DAB1: variants seen among roughly 807,000 people sequenced by gnomAD.
DAB1 encodes disabled homolog 1.
DAB1 carries 15 observed loss-of-function variants against 64.6 expected under a neutral mutation model. The observed-to-expected ratio is 0.23, with a 90% CI of 0.16 to 0.36. The LOEUF (loss-of-function observed/expected upper bound fraction) is 0.36, where lower values mean the gene tolerates loss of function less well. Ranked by LOEUF, DAB1 falls within the 10% of genes least tolerant of loss-of-function variation. DAB1 has a pLI of 1.00. For missense variants in DAB1, 596 were observed against 706.7 expected, an observed-to-expected ratio of 0.84 and a Z score of 1.78; for synonymous variants, 235 against 251.9, an observed-to-expected ratio of 0.93 and a Z score of 0.64.
At chr1:58,116,467 A>G (rs1282282486) in intron 5 of DAB1, among the ~76,000 whole-genome samples, 1 of 152,212 alleles carries the variant, frequency 6.6e-6, no homozygotes, top group African/African-American at 2.4e-5. Context: ...AAATCCATCC[A>G]TATAGTGAAT....
At chr1:58,147,983 GAA>G (rs58099365) in intron 5 of DAB1, among the ~76,000 whole-genome samples, 4 of 113,534 alleles carry the variant, frequency 3.5e-5, no homozygotes, top group Admixed American at 8.6e-5. Flanking sequence ...TATAGCTGGA[GAA>G]AAAAAAAAAA....
chr1:58,367,970 A>C (rs961015651), intron 3 of DAB1, among the ~76,000 whole-genome samples: 2 of 152,180 alleles, frequency 1.3e-5, no homozygotes, highest in African/African-American at 4.8e-5. Context: ...CTTTGAACCA[A>C]TGCCATTACA....
At chr1:57,459,185 T>C (rs1243804265) in intron 7 of DAB1, among the ~76,000 whole-genome samples, 1 of 152,204 alleles carries the variant, frequency 6.6e-6, no homozygotes, top group Admixed American at 6.5e-5. Context: ...TATCTATAAT[T>C]TTAAACTCCA....
intron 1 of DAB1, among the ~76,000 whole-genome samples, chr1:57,305,043 T>C (rs1674014326): frequency 6.6e-6 from 1 of 152,214 alleles, no homozygotes; most frequent in Non-Finnish European, 1.5e-5. Context: ...TCAGCTCAGC[T>C]TTGGAGGTGC....
intron 2 of DAB1, among the ~76,000 whole-genome samples, chr1:57,174,985 T>A (rs770606050): frequency 6.6e-6 from 1 of 152,168 alleles, no homozygotes; most frequent in African/African-American, 2.4e-5. Context: ...AAAGGGTAAC[T>A]TGTTAAAACA....
chr1:57,431,462 T>A (rs937495759), intron 7 of DAB1, among the ~76,000 whole-genome samples: 3 of 152,214 alleles, frequency 2.0e-5, no homozygotes, highest in Non-Finnish European at 4.4e-5. Flanking sequence ...AAAAAAGCAA[T>A]GAAAAAATAT....
At chr1:57,032,465 C>A (rs536432762) in intron 9 of DAB1, among the ~76,000 whole-genome samples, 1 of 152,242 alleles carries the variant, frequency 6.6e-6, no homozygotes, top group African/African-American at 2.4e-5. Context: ...ACCTAGAACA[C>A]TCATTCCTTC....
intron 6 of DAB1, among the ~76,000 whole-genome samples, chr1:57,692,936 G>T (rs1264223659): frequency 2.0e-5 from 3 of 152,142 alleles, no homozygotes; most frequent in African/African-American, 7.2e-5. Flanking sequence ...AACCTCTGGA[G>T]TTAGGCACCA....
chr1:57,759,449 T>C (rs1273348064), intron 6 of DAB1, among the ~76,000 whole-genome samples: 1 of 152,206 alleles, frequency 6.6e-6, no homozygotes, highest in African/African-American at 2.4e-5. Context: ...ATGGTAACTA[T>C]GATGGTGGTT....
chr1:57,640,900 C>T (rs896697819), intron 7 of DAB1, among the ~76,000 whole-genome samples: 1 of 152,056 alleles, frequency 6.6e-6, no homozygotes, highest in African/African-American at 2.4e-5. Flanking sequence ...CCTGAATGCA[C>T]TTATAGAAGG....
At chr1:57,941,561 G>T (rs976516154) in intron 5 of DAB1, among the ~76,000 whole-genome samples, 6 of 152,356 alleles carry the variant, frequency 3.9e-5, no homozygotes, top group South Asian at 2.1e-4. Flanking sequence ...AATGGGCCGG[G>T]CATGGTGGCT....
chr1:57,600,690 A>G lies in DAB1; in HGVS notation n.625+48902T>C, dbSNP rs550398185. Among the ~76,000 whole-genome samples the G allele has an allele frequency of 3.3e-5, 5 of 152,310 alleles. No homozygotes were observed. The South Asian group carries it at 1.0e-3, about 32-fold the overall frequency. On this transcript the variant is annotated intron_variant and non_coding_transcript_variant, in intron 7 of 20. Coordinates refer to the DAB1 transcript ENST00000485760. Reference sequence around the variant, plus strand: ...CTAGCGCCTATAGAATTGAATTAGCATAAGCATTGTCATGTAATGAGTTGT... The same window carrying G: ...CTAGCGCCTATAGAATTGAATTAGCGTAAGCATTGTCATGTAATGAGTTGT...
At chr1:57,877,788 T>A (rs1644075349) in intron 1 of DAB1, among the ~76,000 whole-genome samples, 1 of 24,646 alleles carries the variant, frequency 4.1e-5, no homozygotes, top group African/African-American at 2.2e-4. Context: ...ATGGTCTCGA[T>A]CTCCTGACCT....
rs12044401 is a variant in DAB1, at chr1:58,084,811, G to A, written n.387+65700C>T. 9.7e-3 allele frequency among the ~76,000 whole-genome samples: 1,450 copies of A among 150,000 alleles called. 142 individuals are homozygous for A. In the East Asian group the frequency reaches 0.22, roughly 22 times the overall value. On this transcript the variant is annotated intron_variant and non_coding_transcript_variant, in intron 5 of 20. Coordinates refer to the DAB1 transcript ENST00000485760. The stretch of plus-strand genomic sequence containing the variant: ...TATAATTATATATATACACACATAT[G>A]TGTATATATATATGTGCACATACAT...
intron 1 of DAB1, chr1:58,536,864 A>C (rs1646525973): frequency 1.6e-6 from 1 of 614,454 alleles, no homozygotes; most frequent in Non-Finnish European, 2.9e-6. Flanking sequence ...TATTTCGCTG[A>C]ATACATCGCT....
intron 6 of DAB1, among the ~76,000 whole-genome samples, chr1:57,774,250 T>C (rs1166046108): frequency 6.6e-6 from 1 of 151,892 alleles, no homozygotes; most frequent in African/African-American, 2.4e-5. Flanking sequence ...AAGAAATTAT[T>C]ATACTGCTTC....
At chr1:57,578,450 G>A (rs531870364) in intron 7 of DAB1, among the ~76,000 whole-genome samples, 2 of 152,298 alleles carry the variant, frequency 1.3e-5, no homozygotes, top group South Asian at 4.1e-4. Flanking sequence ...TCTAACTAAT[G>A]CTTACTGCAC....
At chr1:58,090,304 G>A (rs969842113) in intron 5 of DAB1, among the ~76,000 whole-genome samples, 1 of 152,178 alleles carries the variant, frequency 6.6e-6, no homozygotes, top group Non-Finnish European at 1.5e-5. Context: ...ACAAGTCTTG[G>A]GGGAGGCAGT....
At chr1:57,970,309 A>G (rs1036932506) in intron 5 of DAB1, among the ~76,000 whole-genome samples, 1 of 152,198 alleles carries the variant, frequency 6.6e-6, no homozygotes, top group African/African-American at 2.4e-5. Flanking sequence ...GCTTGGCTTC[A>G]GGAGCAGCCA....
Sources: gnomAD v4.1 joint callset for allele counts (sites outside exome capture counted in the v4.1 genomes callset) on GRCh38, gnomAD v4.1.1 for gene constraint, MANE v1.5 for transcripts, NCBI Gene and HGNC (gene_info 2026-07-23, HGNC 2026-07-21) for gene names.